Variants in SLCO2A1 observed in about 807,000 individuals in gnomAD.
SLCO2A1 encodes the protein solute carrier organic anion transporter family member 2A1.
Under a neutral mutation model 71.7 loss-of-function variants are expected in SLCO2A1, and 60 were observed. The ratio of observed to expected loss-of-function variants is 0.84; its 90% confidence interval spans 0.68 to 1.04. The LOEUF (loss-of-function observed/expected upper bound fraction) is 1.04, where lower values mean the gene tolerates loss of function less well. SLCO2A1 is among the 50% of genes least tolerant of loss of function. The pLI, the probability that SLCO2A1 is intolerant of heterozygous loss-of-function variation, is 0.00. For missense variants in SLCO2A1, 745 were observed against 813.4 expected (o/e 0.92, Z 1.02); for synonymous variants, 308 against 326.7 (o/e 0.94, Z 0.62).
At position 134,028,769 on chromosome 3, in the gene SLCO2A1, C is replaced by T. The variant is rs114219549; in HGVS notation, c.96+938G>A. On this transcript the variant is annotated intron_variant, in intron 1 of 13. Transcript: ENST00000310926. ...CCTTGATGCAGTCTCTGCAGTCTCC[C>T]ACATCCTCACCGCAGCAGCTTTGGC... 6.2e-3 allele frequency among the ~76,000 whole-genome samples: 943 copies of T among 152,192 alleles called. 6 individuals are homozygous for T. The highest frequency in any genetic ancestry group is 9.0e-3 in the Non-Finnish European group (612 of 68,034).
chr3:133,950,714 T>C, intron 6 of SLCO2A1, among the ~76,000 whole-genome samples: 1 of 152,206 alleles, frequency 6.6e-6, no homozygotes, highest in East Asian at 1.9e-4. Flanking sequence ...CCTGATTCCT[T>C]TCCCCAGCAG....
chr3:133,946,552 C>T (rs1933583111), intron 9 of SLCO2A1, among the ~76,000 whole-genome samples: 2 of 152,214 alleles, frequency 1.3e-5, no homozygotes, highest in Admixed American at 6.5e-5. Context: ...CAGATCTTTT[C>T]AAGTCTCCTT....
intron 1 of SLCO2A1, among the ~76,000 whole-genome samples, chr3:134,002,725 C>G (rs1340616724): frequency 6.6e-6 from 1 of 152,176 alleles, no homozygotes; most frequent in Admixed American, 6.5e-5. Context: ...ATAATAAACT[C>G]TCATGTGATG....
At chr3:134,018,582 G>A (rs1201952407) in intron 1 of SLCO2A1, among the ~76,000 whole-genome samples, 1 of 152,080 alleles carries the variant, frequency 6.6e-6, no homozygotes, top group African/African-American at 2.4e-5. Context: ...CTCACTGATT[G>A]GATATACATT....
intron 3 of SLCO2A1, among the ~76,000 whole-genome samples, chr3:133,970,586 C>T (rs1388597293): frequency 6.6e-6 from 1 of 152,232 alleles, no homozygotes; most frequent in Non-Finnish European, 1.5e-5. Flanking sequence ...TGCACTGGCA[C>T]CGTGTGCAGC....
intron 1 of SLCO2A1, among the ~76,000 whole-genome samples, chr3:133,990,973 G>A (rs989632598): frequency 7.2e-5 from 11 of 152,082 alleles, no homozygotes; most frequent in Non-Finnish European, 1.5e-4. Flanking sequence ...AGCCAGGTGT[G>A]GGGGCAAAGG....
intron 1 of SLCO2A1, 89 bp downstream of exon 1, chr3:134,029,618 C>T: frequency 9.0e-7 from 1 of 1,115,690 alleles, no homozygotes; most frequent in African/African-American, 1.6e-5. Context: ...CTCCCGGAGC[C>T]TCCTGGCTCC....
intron 1 of SLCO2A1, among the ~76,000 whole-genome samples, chr3:134,000,171 A>G (rs1282806738): frequency 6.6e-6 from 1 of 152,196 alleles, no homozygotes; most frequent in Non-Finnish European, 1.5e-5. Context: ...CAAGGAGCTC[A>G]AGATGCCAGG....
chr3:133,986,068 G>A (rs1361918644), intron 1 of SLCO2A1, among the ~76,000 whole-genome samples: 1 of 152,170 alleles, frequency 6.6e-6, no homozygotes, highest in Non-Finnish European at 1.5e-5. Flanking sequence ...TTTTGTGGTG[G>A]TATTTATACA....
In SLCO2A1 at chr3:133,948,966, A is replaced by C. The variant is rs756478179; in HGVS notation, c.867T>G (p.Ala289=). The change falls in exon 7 of 14, where the codon GCT becomes GCG. Residue 289 remains alanine (A), a synonymous_variant. Coordinates refer to ENST00000310926, the MANE Select transcript of SLCO2A1 (RefSeq NM_005630.3). ...PRAMPIGAKR[A]PATADEARKL... is the part of the protein sequence containing the mutation. ...TCCTTGCTTCATCTGCTGTGGCAGG[A>C]GCCCTCTGAAGGCAATAAAAGGGGT... 10 of 1,613,830 alleles carry C rather than the reference A, an allele frequency of 6.2e-6. No individual in the cohort carries two copies. Among genetic ancestry groups the C allele is most frequent in the South Asian group, 2.2e-5 (2 of 91,078 alleles).
At chr3:134,000,640 C>T (rs529119918) in intron 1 of SLCO2A1, among the ~76,000 whole-genome samples, 1 of 152,292 alleles carries the variant, frequency 6.6e-6, no homozygotes, top group African/African-American at 2.4e-5. Flanking sequence ...GTCAACTATT[C>T]AACCTCACAC....
chr3:133,942,627 G>C lies in SLCO2A1; in HGVS notation c.1603C>G (p.Pro535Ala). ...VSLIACISHN[P>A]LYMMVLRVVN... is the part of the protein sequence containing the mutation. ...CACCGCAGAACCATCATGTAGAGGGGGTTGTGGGAGATGCAGGCTATCAGG... is the reference window on the plus strand; with the variant it reads ...CACCGCAGAACCATCATGTAGAGGGCGTTGTGGGAGATGCAGGCTATCAGG... The change falls in exon 11 of 14, where the codon CCC (proline) becomes GCC (alanine). Residue 535 changes from proline (P) to alanine (A), a missense_variant. Pro to Ala is a conservative substitution (Grantham distance 27). Transcript: ENST00000310926. The C allele has an allele frequency of 6.2e-7, 1 of 1,613,620 alleles. No homozygotes were observed. Among genetic ancestry groups the C allele is most frequent in the Middle Eastern group, 1.7e-4 (1 of 6,050 alleles).
In SLCO2A1 at chr3:133,934,194, ACC is replaced by A. The variant is rs1933209496; in HGVS notation, c.*517_*518del. On this transcript the variant is annotated 3_prime_UTR_variant, in exon 14 of 14. Coordinates refer to ENST00000310926, the MANE Select transcript of SLCO2A1 (RefSeq NM_005630.3). ...CTCCCGTAGTCTGTGCTGATGCCAA[ACC>A]CAGGTGTGAAGGGGGTTACAGCCAG... 1 of 152,810 alleles carries A rather than the reference ACC, an allele frequency of 6.5e-6. No individual in the cohort carries two copies. Among genetic ancestry groups the A allele is most frequent in the African/African-American group, 2.4e-5 (1 of 41,416 alleles). 9.5% of individuals were successfully genotyped at this position (152,810 alleles called of 1,614,324 possible).
intron 1 of SLCO2A1, among the ~76,000 whole-genome samples, chr3:134,011,734 G>A (rs1209373969): frequency 6.6e-6 from 1 of 152,232 alleles, no homozygotes; most frequent in Admixed American, 6.5e-5. Context: ...TGAAGCCAGG[G>A]AATGTTGTCT....
At position 134,017,319 on chromosome 3, in the gene SLCO2A1, TAA is replaced by T. The variant is rs374274620; in HGVS notation, c.96+12386_96+12387del. On this transcript the variant is annotated intron_variant, in intron 1 of 13. Coordinates refer to ENST00000310926, the MANE Select transcript of SLCO2A1 (RefSeq NM_005630.3). ...CTATGAATCTGTAATTGCTATAAAA[TAA>T]AAAGTTTTTTTTCAATTCTAAATCA... 1.5e-3 allele frequency among the ~76,000 whole-genome samples: 228 copies of T among 152,336 alleles called. 1 individual carries two copies. The highest frequency in any genetic ancestry group is 5.1e-3 in the African/African-American group (214 of 41,588).
chr3:134,011,649 G>C (rs1003226081), intron 1 of SLCO2A1, among the ~76,000 whole-genome samples: 1 of 152,194 alleles, frequency 6.6e-6, no homozygotes, highest in Non-Finnish European at 1.5e-5. Flanking sequence ...GCACAGGCTG[G>C]GACCCATAAG....
chr3:133,967,811 C>A (rs1434374887), intron 3 of SLCO2A1, among the ~76,000 whole-genome samples: 3 of 122,408 alleles, frequency 2.5e-5, no homozygotes, highest in Non-Finnish European at 3.8e-5. Context: ...TCACAGGCAC[C>A]CCACCCCACC....
chr3:133,943,392 T>C (rs1338960922), intron 10 of SLCO2A1, among the ~76,000 whole-genome samples: 1 of 152,188 alleles, frequency 6.6e-6, no homozygotes, highest in Non-Finnish European at 1.5e-5. Flanking sequence ...TTCGCTGCCC[T>C]TGTCAGATGG....
rs903939530 is a variant in SLCO2A1, at chr3:133,969,410, C to G, written c.397+4253G>C. Among the ~76,000 whole-genome samples the G allele has an allele frequency of 2.6e-5, 4 of 152,134 alleles. No individual in the cohort carries two copies. The South Asian group carries it at 8.3e-4, about 32-fold the overall frequency. The stretch of plus-strand genomic sequence containing the variant: ...GCACCACTTCACTCCAGCCTGGTGA[C>G]AGAGCCTTGATTGCTGCCCAGGCTG... On this transcript the variant is annotated intron_variant, in intron 3 of 13. Coordinates refer to ENST00000310926, the MANE Select transcript of SLCO2A1 (RefSeq NM_005630.3).
Sources: gnomAD v4.1 joint callset for allele counts (sites outside exome capture counted in the v4.1 genomes callset) on GRCh38, gnomAD v4.1.1 for gene constraint, MANE v1.5 for transcripts, NCBI Gene and HGNC (gene_info 2026-07-23, HGNC 2026-07-21) for gene names.